PRDM11: variants seen among roughly 807,000 people sequenced by gnomAD.
PRDM11 encodes the protein PR domain-containing protein 11.
A neutral mutation model predicts 97.8 loss-of-function variants in PRDM11; 20 were observed. The observed-to-expected ratio is 0.20, with a 90% CI of 0.14 to 0.30. The LOEUF is 0.30. Among genes scored for constraint, PRDM11 ranks in the 10% least tolerant of loss-of-function variants. PRDM11 has a pLI of 1.00. For missense variants in PRDM11, 1,139 were observed against 1,555.2 expected (o/e 0.73, Z 4.50); for synonymous variants, 599 against 637.7 (o/e 0.94, Z 0.91).
chr11:45,203,757 A>G (rs1471845055), intron 4 of PRDM11, among the ~76,000 whole-genome samples: 2 of 151,894 alleles, frequency 1.3e-5, no homozygotes, highest in Non-Finnish European at 2.9e-5. Flanking sequence ...AGTAGCTGGG[A>G]CTACAGGTGC....
At chr11:45,099,085 G>A (rs1236437419) in intron 1 of PRDM11, among the ~76,000 whole-genome samples, 1 of 152,112 alleles carries the variant, frequency 6.6e-6, no homozygotes, top group Non-Finnish European at 1.5e-5. Flanking sequence ...AGGGAGGGAG[G>A]GAAGGCTAGA....
chr11:45,163,524 C>A (rs887484471), intron 1 of PRDM11, among the ~76,000 whole-genome samples: 1 of 151,922 alleles, frequency 6.6e-6, no homozygotes, highest in African/African-American at 2.4e-5. Context: ...GAAGTAACTC[C>A]CACCTCAGCT....
chr11:45,143,723 T>C (rs1268293154), upstream of PRDM11, among the ~76,000 whole-genome samples: 1 of 152,184 alleles, frequency 6.6e-6, no homozygotes, highest in Admixed American at 6.5e-5. Flanking sequence ...CTGAACATGG[T>C]TTCTCTGCCT....
intron 1 of PRDM11, among the ~76,000 whole-genome samples, chr11:45,098,290 T>C (rs11604720): frequency 0.33 from 50,415 of 151,900 alleles, 9,823 homozygotes; most frequent in African/African-American, 0.54. Context: ...AAGGACCCTC[T>C]GGCCAATGTT....
At chr11:45,122,312 AT>A (rs34240582) in intron 1 of PRDM11, among the ~76,000 whole-genome samples, 47,750 of 150,086 alleles carry the variant, frequency 0.32, 8,375 homozygotes, top group African/African-American at 0.44. Flanking sequence ...ATATCATGGT[AT>A]TTTTTTTATT....
chr11:45,162,750 C>T (rs79319893), intron 1 of PRDM11, among the ~76,000 whole-genome samples: 2,125 of 152,234 alleles, frequency 0.014, 39 homozygotes, highest in African/African-American at 0.048. Flanking sequence ...ATGGGAGCCA[C>T]GATGCTATAA....
intron 1 of PRDM11, among the ~76,000 whole-genome samples, chr11:45,180,420 G>A (rs1852443287): frequency 6.6e-6 from 1 of 152,028 alleles, no homozygotes; most frequent in Non-Finnish European, 1.5e-5. Flanking sequence ...ACACCCGCCC[G>A]GCCTCCGCGG....
At chr11:45,105,664 G>A (rs1476605177) in intron 1 of PRDM11, among the ~76,000 whole-genome samples, 2 of 152,236 alleles carry the variant, frequency 1.3e-5, no homozygotes, top group African/African-American at 4.8e-5. Context: ...CTTCCCAACA[G>A]CTTGGCATGG....
At chr11:45,194,564 C>T (rs1032388106) in intron 4 of PRDM11, among the ~76,000 whole-genome samples, 8 of 145,768 alleles carry the variant, frequency 5.5e-5, no homozygotes, top group African/African-American at 1.8e-4. Context: ...TATCTCACAA[C>T]AGTACTGTGG....
At chr11:45,192,007 C>T (rs575879527) in intron 4 of PRDM11, among the ~76,000 whole-genome samples, 59 of 152,090 alleles carry the variant, frequency 3.9e-4, no homozygotes, top group African/African-American at 1.4e-3. Context: ...TCACCTCCCA[C>T]CCCCGCAACA....
At chr11:45,177,892 G>A (rs1376307502) in intron 1 of PRDM11, among the ~76,000 whole-genome samples, 2 of 152,096 alleles carry the variant, frequency 1.3e-5, no homozygotes, top group East Asian at 1.9e-4. Flanking sequence ...ACTATCTCTG[G>A]TTGTTTCTTA....
Position 45,235,050 on chromosome 11 carries a change from T to C in PRDM11, c.*6891T>C, listed in dbSNP as rs1854479268. ...TATCATAATATGTACGCAGAAACTT[T>C]CTTTTTGTCATATTATCCTTGTAAT... On this transcript the variant is annotated 3_prime_UTR_variant, in exon 8 of 8. Coordinates refer to ENST00000683152, the MANE Select transcript of PRDM11 (RefSeq NM_001384648.1). 2 of 152,354 alleles carry C rather than the reference T, an allele frequency of 1.3e-5. No individual in the cohort carries two copies. The highest frequency in any genetic ancestry group is 2.1e-4 in the South Asian group (1 of 4,834). The allele number at this position is 152,354 out of a possible 1,614,324, so 9.4% of individuals were successfully genotyped here. A position where few individuals can be genotyped will look rare whatever the true frequency, so the allele number is the denominator to read the frequency against.
At chr11:45,225,098 T>C (rs1854242213) in intron 7 of PRDM11, 1 of 1,433,026 alleles carries the variant, frequency 7.0e-7, no homozygotes, top group Non-Finnish European at 9.1e-7. Flanking sequence ...AGAAGGGGTG[T>C]GTGCTGTGTT....
intron 4 of PRDM11, among the ~76,000 whole-genome samples, chr11:45,194,591 T>TTTTTTTTC (rs750370650): frequency 1.5e-5 from 1 of 65,388 alleles, no homozygotes; most frequent in Non-Finnish European, 2.7e-5. Flanking sequence ...TATTATCTTC[T>TTTTTTTTC]GTTTTTTTTT....
intron 5 of PRDM11, among the ~76,000 whole-genome samples, chr11:45,210,838 A>C (rs1853704180): frequency 1.3e-5 from 2 of 152,208 alleles, no homozygotes; most frequent in Non-Finnish European, 2.9e-5. Context: ...CCTGTGAATC[A>C]GTGTTTTCCT....
intron 1 of PRDM11, among the ~76,000 whole-genome samples, chr11:45,120,853 G>A (rs1331470775): frequency 6.6e-6 from 1 of 152,200 alleles, no homozygotes; most frequent in East Asian, 1.9e-4. Flanking sequence ...ATATGTATGA[G>A]TACCAATATA....
intron 4 of PRDM11, among the ~76,000 whole-genome samples, chr11:45,199,838 C>T (rs1393476960): frequency 6.8e-6 from 1 of 148,114 alleles, no homozygotes; most frequent in African/African-American, 2.7e-5. Flanking sequence ...CCTGCACCCT[C>T]TGCCTAGGGC....
intron 1 of PRDM11, among the ~76,000 whole-genome samples, chr11:45,103,255 GCC>G (rs1565221281): frequency 6.6e-6 from 1 of 152,164 alleles, no homozygotes; most frequent in African/African-American, 2.4e-5. Context: ...CGGCCTTGGA[GCC>G]CAACCTGGAC....
intron 1 of PRDM11, among the ~76,000 whole-genome samples, chr11:45,124,073 T>G (rs1325104768): frequency 6.1e-5 from 9 of 148,754 alleles, no homozygotes; most frequent in Non-Finnish European, 1.3e-4. Context: ...CCCTTGTAAG[T>G]TGGATTCCTA....
Sources: gnomAD v4.1 joint callset for allele counts (sites outside exome capture counted in the v4.1 genomes callset) on GRCh38, gnomAD v4.1.1 for gene constraint, MANE v1.5 for transcripts, NCBI Gene and HGNC (gene_info 2026-07-23, HGNC 2026-07-21) for gene names.